LRRC3B: variants seen among roughly 807,000 people sequenced by gnomAD.
LRRC3B encodes leucine-rich repeat-containing protein 3B.
A neutral mutation model predicts 12.8 loss-of-function variants in LRRC3B; 2 were observed. The ratio of observed to expected loss-of-function variants is 0.16; its 90% CI spans 0.06 to 0.49. The LOEUF (loss-of-function observed/expected upper bound fraction) is 0.49. LRRC3B is among the 20% of genes least tolerant of loss of function. LRRC3B has a pLI of 0.96. For missense variants in LRRC3B, 189 were observed against 319.4 expected, an observed-to-expected ratio of 0.59 and a Z score of 3.11; for synonymous variants, 132 against 122.0, an observed-to-expected ratio of 1.08 and a Z score of -0.54.
intron 1 of LRRC3B, among the ~76,000 whole-genome samples, chr3:26,689,586 G>A (rs1700149803): frequency 6.6e-6 from 1 of 152,158 alleles, no homozygotes; most frequent in Non-Finnish European, 1.5e-5. Context: ...TGTGCAAGGA[G>A]GAGCCGGTAA....
chr3:26,647,967 T>C (rs1298979129), intron 1 of LRRC3B, among the ~76,000 whole-genome samples: 1 of 152,078 alleles, frequency 6.6e-6, no homozygotes, highest in Non-Finnish European at 1.5e-5. Context: ...CAGAGGAGAG[T>C]TCAGCTTGGA....
intron 1 of LRRC3B, among the ~76,000 whole-genome samples, chr3:26,656,611 G>A (rs374938390): frequency 1.8e-4 from 28 of 152,300 alleles, no homozygotes; most frequent in South Asian, 1.5e-3. Flanking sequence ...AGAGGCAGTG[G>A]AATGTTGTCA....
intron 1 of LRRC3B, among the ~76,000 whole-genome samples, chr3:26,629,682 A>G (rs1398806693): frequency 6.6e-6 from 1 of 152,164 alleles, no homozygotes; most frequent in Non-Finnish European, 1.5e-5. Flanking sequence ...TAGGGTTTCA[A>G]AGTTTTTATT....
At chr3:26,641,714 T>C (rs1332301553) in intron 1 of LRRC3B, among the ~76,000 whole-genome samples, 2 of 152,098 alleles carry the variant, frequency 1.3e-5, no homozygotes, top group Admixed American at 1.3e-4. Flanking sequence ...TGTATATCAA[T>C]GGATTAAAAT....
intron 1 of LRRC3B, among the ~76,000 whole-genome samples, chr3:26,670,757 T>G (rs1055540485): frequency 1.3e-5 from 2 of 152,186 alleles, no homozygotes; most frequent in African/African-American, 4.8e-5. Context: ...AATATAGAGA[T>G]AATTATAGCT....
rs1191065148 is a variant in LRRC3B, at chr3:26,633,544, GAAC to G, written c.-161+10308_-161+10310del. On this transcript the variant is annotated intron_variant, in intron 1 of 1. Transcript: ENST00000396641. ...AAAACAAGCATAAGAAAATGTTCAA[GAAC>G]CCTGAACAAAGCCTGGTTATTCCAG... Among the ~76,000 whole-genome samples, 4 of 152,276 alleles carry G rather than the reference GAAC, an allele frequency of 2.6e-5. No homozygotes were observed. The East Asian group carries it at 7.7e-4, about 29-fold the overall frequency.
intron 1 of LRRC3B, chr3:26,701,126 A>T (rs189474699): frequency 2.8e-4 from 42 of 152,310 alleles, no homozygotes; most frequent in African/African-American, 9.4e-4. Flanking sequence ...AACCAAAATA[A>T]AAATTAATCA....
At chr3:26,632,103 G>A (rs998860605) in intron 1 of LRRC3B, among the ~76,000 whole-genome samples, 2 of 152,184 alleles carry the variant, frequency 1.3e-5, no homozygotes, top group African/African-American at 4.8e-5. Context: ...AAAAGGATGA[G>A]GGGGAGTGAC....
At chr3:26,623,904 G>C (rs539273878) in intron 1 of LRRC3B, 1 of 152,690 alleles carries the variant, frequency 6.5e-6, no homozygotes, top group South Asian at 2.1e-4. Flanking sequence ...AAGGCTGCTC[G>C]TGCGGTGGAG....
intron 1 of LRRC3B, among the ~76,000 whole-genome samples, chr3:26,661,591 T>A (rs1210678604): frequency 6.6e-6 from 1 of 152,154 alleles, no homozygotes; most frequent in Non-Finnish European, 1.5e-5. Context: ...CTACATAACA[T>A]CACATCAAAT....
At chr3:26,648,763 G>A (rs1699204822) in intron 1 of LRRC3B, among the ~76,000 whole-genome samples, 1 of 152,200 alleles carries the variant, frequency 6.6e-6, no homozygotes. Flanking sequence ...TTAAACTGTA[G>A]CATTTTAATG....
intron 1 of LRRC3B, among the ~76,000 whole-genome samples, chr3:26,641,792 A>T (rs1575119746): frequency 7.0e-6 from 1 of 142,076 alleles, no homozygotes; most frequent in Non-Finnish European, 1.5e-5. Context: ...TCAAATTTTT[A>T]AAAAATTAAA....
At chr3:26,692,326 A>G (rs895599288) in intron 1 of LRRC3B, among the ~76,000 whole-genome samples, 3 of 152,222 alleles carry the variant, frequency 2.0e-5, no homozygotes, top group African/African-American at 7.2e-5. Flanking sequence ...CCTGGACTAT[A>G]CTAATACAGC....
intron 1 of LRRC3B, among the ~76,000 whole-genome samples, chr3:26,639,528 T>TAAA: frequency 8.1e-6 from 1 of 123,526 alleles, no homozygotes; most frequent in South Asian, 2.8e-4. Context: ...TAAATTAAAT[T>TAAA]TAAATCTTTA....
At chr3:26,629,470 G>A (rs1698706055) in intron 1 of LRRC3B, among the ~76,000 whole-genome samples, 2 of 152,132 alleles carry the variant, frequency 1.3e-5, no homozygotes, top group African/African-American at 4.8e-5. Context: ...GCTCTGATTT[G>A]GAGAAATAAT....
chr3:26,671,682 C>T (rs1054828017), intron 1 of LRRC3B, among the ~76,000 whole-genome samples: 4 of 152,036 alleles, frequency 2.6e-5, no homozygotes, highest in Non-Finnish European at 1.5e-5. Context: ...TGCGAGCCAC[C>T]GCACCTGGCC....
intron 1 of LRRC3B, among the ~76,000 whole-genome samples, chr3:26,671,413 G>GAGAGAGAGAGAGACACAC (rs9331540): frequency 3.0e-5 from 3 of 99,388 alleles, no homozygotes; most frequent in African/African-American, 4.3e-5. Context: ...GAGAGAGAGA[G>GAGAGAGAGAGAGACACAC]ACGAAGTCTT....
At chr3:26,671,802 A>C (rs964603834) in intron 1 of LRRC3B, among the ~76,000 whole-genome samples, 1 of 152,192 alleles carries the variant, frequency 6.6e-6, no homozygotes, top group Middle Eastern at 3.2e-3. Context: ...AATTAATTTA[A>C]CCAGAACCAC....
chr3:26,637,866 CT>C (rs756961433), intron 1 of LRRC3B, among the ~76,000 whole-genome samples: 2 of 152,176 alleles, frequency 1.3e-5, no homozygotes, highest in Non-Finnish European at 2.9e-5. Context: ...CTTAAAATTA[CT>C]TTGAATAACA....
Sources: allele counts gnomAD v4.1 joint callset (sites outside exome capture counted in the v4.1 genomes callset), GRCh38; gene constraint gnomAD v4.1.1; transcripts MANE v1.5; gene names NCBI Gene and HGNC (gene_info 2026-07-23, HGNC 2026-07-21).